Variants in MPDU1 observed in about 807,000 individuals in gnomAD.
MPDU1 encodes the protein mannose-P-dolichol utilization defect 1 protein.
MPDU1 carries 18 observed loss-of-function variants against 27.6 expected under a neutral mutation model. That is an observed-to-expected ratio of 0.65 (90% confidence interval 0.45 to 0.97). The LOEUF (loss-of-function observed/expected upper bound fraction) is 0.97. MPDU1 is among the 50% of genes least tolerant of loss of function. The pLI, the probability that MPDU1 is intolerant of heterozygous loss-of-function variation, is 0.00. For synonymous variants in MPDU1, 142 were observed against 131.1 expected (o/e 1.08, Z -0.57); for missense variants, 279 against 297.4 (o/e 0.94, Z 0.46).
upstream of MPDU1, chr17:7,583,698 T>C (rs2071530139): frequency 2.5e-6 from 2 of 812,444 alleles, no homozygotes; most frequent in East Asian, 4.8e-5. Context: ...GACTGAGACT[T>C]ATTTTACGCC....
Position 7,586,898 on chromosome 17 carries a change from G to C in MPDU1, c.389-1G>C. 1 of 1,613,982 alleles carries C rather than the reference G, an allele frequency of 6.2e-7. No homozygotes were observed. The highest frequency in any genetic ancestry group is 8.5e-7 in the Non-Finnish European group (1 of 1,179,980). On this transcript the variant is annotated splice_acceptor_variant, in intron 4 of 6. Coordinates refer to ENST00000250124, the MANE Select transcript of MPDU1 (RefSeq NM_004870.4). LOFTEE classifies it high-confidence loss of function. ...AAGGACTCCTGTCTCCCCACCCCTA[G>C]GTGTCGCTTTCCTCGCTTGCTACGG... is the stretch of plus-strand genomic sequence containing the variant.
In MPDU1 at chr17:7,587,994, G is replaced by C. The variant is rs750566373; in HGVS notation, c.*443G>C. On this transcript the variant is annotated 3_prime_UTR_variant, in exon 7 of 7. Transcript: ENST00000250124. ...GCTGCCTCCCTCCCTCAGCCCGGCTGGGACTGTCTCCCGGACCCCAGTGCT... is the reference window on the plus strand; with the variant it reads ...GCTGCCTCCCTCCCTCAGCCCGGCTCGGACTGTCTCCCGGACCCCAGTGCT... 8.3e-6 allele frequency: 4 copies of C among 482,608 alleles called. No individual in the cohort carries two copies. Among genetic ancestry groups the C allele is most frequent in the South Asian group, 6.2e-5 (4 of 64,710 alleles). 29.9% of individuals were successfully genotyped at this position (482,608 alleles called of 1,614,324 possible). A position where few individuals can be genotyped will look rare whatever the true frequency, so the allele number is the denominator to read the frequency against.
upstream of MPDU1, chr17:7,583,749 G>C (rs747749763): frequency 5.5e-6 from 6 of 1,088,276 alleles, no homozygotes; most frequent in African/African-American, 1.5e-5. Context: ...AGCGGGGCAC[G>C]GGGCGGGCCA....
In MPDU1 at chr17:7,587,210, C is replaced by T. The variant is rs745734883; in HGVS notation, c.557C>T (p.Ser186Leu). ...NYHNGHTGQL[S>L]AITVFLLFGG... ...CACAACGGGCACACAGGCCAGCTCT[C>T]AGCCATCACAGTCTTCCTGCTGTTT... is the stretch of plus-strand genomic sequence containing the variant. Residue 186 changes from serine (S) to leucine (L), a missense_variant, in exon 6 of 7, where the codon TCA (serine) becomes TTA (leucine). Coordinates refer to ENST00000250124, the MANE Select transcript of MPDU1 (RefSeq NM_004870.4). 1 of 1,614,122 alleles carries T rather than the reference C, an allele frequency of 6.2e-7. No homozygotes were observed. The highest frequency in any genetic ancestry group is 1.7e-5 in the Admixed American group (1 of 60,018).
rs775464922 is a variant in MPDU1 at position 7,586,069 on chromosome 17, T to A, written c.293T>A (p.Phe98Tyr). Residue 98 changes from phenylalanine (F) to tyrosine (Y), a missense_variant, in exon 3 of 7, where the codon TTC becomes TAC. Physicochemically the swap from Phe to Tyr is conservative, Grantham distance 22. Coordinates refer to ENST00000250124, the MANE Select transcript of MPDU1 (RefSeq NM_004870.4). The part of the protein sequence containing the change: ...GTMVYSITNN[F>Y]PFSSWGEALF... ...ATGGTCTACAGCATCACTAACAACT[T>A]CCCATTCAGGTGAGGGGCCCACCCT... The A allele has an allele frequency of 6.2e-7, 1 of 1,613,676 alleles. No individual in the cohort carries two copies. Among genetic ancestry groups the A allele is most frequent in the Non-Finnish European group, 8.5e-7 (1 of 1,179,992 alleles).
At chr17:7,586,362 C>T in intron 3 of MPDU1, 1 of 509,102 alleles carries the variant, frequency 2.0e-6, no homozygotes, top group Non-Finnish European at 3.6e-6. Flanking sequence ...TCACTTGAAC[C>T]TGGGAGGCAG....
rs1163264481 is a variant in MPDU1, at chr17:7,585,493, G to T, written c.104-239G>T. Among the ~76,000 whole-genome samples, 3 of 151,242 alleles carry T rather than the reference G, an allele frequency of 2.0e-5. No homozygotes were observed. The East Asian group carries it at 5.8e-4, about 29-fold the overall frequency. ...CAGAGGCTGCAGTGGGCTGAGATTGGGCCACTGCACTCCAGCCTGGGTGAC... is the reference window on the plus strand; with the variant it reads ...CAGAGGCTGCAGTGGGCTGAGATTGTGCCACTGCACTCCAGCCTGGGTGAC... On this transcript the variant is annotated intron_variant, in intron 1 of 6. Transcript: ENST00000250124.
At chr17:7,587,067 G>GGGGGGGGGCA in intron 5 of MPDU1, 50 bp downstream of exon 5, 1 of 1,041,362 alleles carries the variant, frequency 9.6e-7, no homozygotes, top group African/African-American at 1.9e-5. Flanking sequence ...GGGTGGGGGG[G>GGGGGGGGGCA]AAGAGTAGAA....
chr17:7,586,770 T>C lies in MPDU1; in HGVS notation c.381T>C (p.Thr127=). ...TGGTCATGCACTACAGAGGACAGACTGTGAAAGGTGCTGGGGACTTACCCA... is the reference window on the plus strand; with the variant it reads ...TGGTCATGCACTACAGAGGACAGACCGTGAAAGGTGCTGGGGACTTACCCA... ...CFLVMHYRGQ[T]VKGVAFLACY... The change falls in exon 4 of 7, where the codon ACT becomes ACC. Residue 127 remains threonine, a synonymous_variant. Transcript: ENST00000250124. 3 of 1,614,074 alleles carry C rather than the reference T, an allele frequency of 1.9e-6. No individual in the cohort carries two copies. The highest frequency in any genetic ancestry group is 2.5e-6 in the Non-Finnish European group (3 of 1,179,976).
In MPDU1 at chr17:7,583,982, A is replaced by C; in HGVS notation, c.103+17A>C. On this transcript the variant is annotated intron_variant, in intron 1 of 6. Transcript: ENST00000250124. ...TGCTTCACGGTGAGTTTTATTCAGC[A>C]TCCGATCCAAGTCCTACTCGAGTGA... is the stretch of plus-strand genomic sequence containing the variant. The C allele has an allele frequency of 3.7e-6, 6 of 1,611,204 alleles. No individual in the cohort carries two copies. The highest frequency in any genetic ancestry group is 5.1e-6 in the Non-Finnish European group (6 of 1,178,220).
intron 1 of MPDU1, 189 bp downstream of exon 1, chr17:7,584,154 A>T: frequency 1.5e-6 from 1 of 655,426 alleles, no homozygotes; most frequent in Non-Finnish European, 2.8e-6. Context: ...GCCAGTGGGG[A>T]AGTCACCGGG....
chr17:7,586,044 A>G lies in MPDU1; in HGVS notation c.268A>G (p.Met90Val), dbSNP rs1190805840. 3.1e-6 allele frequency: 5 copies of G among 1,613,876 alleles called. No homozygotes were observed. Among genetic ancestry groups the G allele is most frequent in the East Asian group, 2.2e-5 (1 of 44,888 alleles). ...MLELVALTGTMVYSITNNFPF... is the reference protein window; with the variant it reads ...MLELVALTGTVVYSITNNFPF... ...GGAGCTAGTGGCATTGACTGGGACC[A>G]TGGTCTACAGCATCACTAACAACTT... The change falls in exon 3 of 7, where the codon ATG becomes GTG. Residue 90 changes from methionine (M) to valine (V), a missense_variant. By Grantham distance (21) the Met-to-Val change is conservative (BLOSUM62 1). Coordinates refer to ENST00000250124, the MANE Select transcript of MPDU1 (RefSeq NM_004870.4).
At chr17:7,583,758 C>A (rs764093831), upstream of MPDU1, 3 of 1,210,646 alleles carry the variant, frequency 2.5e-6, no homozygotes, top group Admixed American at 1.7e-5. Context: ...CGGGGCGGGC[C>A]AGCTTCGCCG....
Position 7,583,945 on chromosome 17 carries a change from T to C in MPDU1, c.83T>C (p.Val28Ala). ...GAGAAATGCTACGACCAACTTTTCG[T>C]TCAGTGGGACTTGCTTCACGGTGAG... ...LPEKCYDQLF[V>A]QWDLLHVPCL... Residue 28 changes from valine to alanine, a missense_variant, in exon 1 of 7, where the codon GTT (valine) becomes GCT (alanine). Physicochemically the swap from Val to Ala is moderately conservative, Grantham distance 64 (BLOSUM62 0). Transcript: ENST00000250124. The C allele has an allele frequency of 1.2e-6, 2 of 1,614,146 alleles. No homozygotes were observed. Among genetic ancestry groups the C allele is most frequent in the Non-Finnish European group, 1.7e-6 (2 of 1,180,036 alleles).
intron 6 of MPDU1, 40 bp downstream of exon 6, chr17:7,587,311 C>A: frequency 6.2e-7 from 1 of 1,612,604 alleles, no homozygotes; most frequent in African/African-American, 1.3e-5. Context: ...ACTAAAACCT[C>A]GTCTTACTTC....
chr17:7,584,866 G>A lies in MPDU1; in HGVS notation c.104-866G>A, dbSNP rs543229719. Among the ~76,000 whole-genome samples, 17 of 152,262 alleles carry A rather than the reference G, an allele frequency of 1.1e-4. No homozygotes were observed. In the East Asian group the frequency reaches 2.9e-3, roughly 26 times the overall value. ...AAATTAGCCGGGCGTTGTGGCAGGC[G>A]CCTGTAATCCCAGCTACTCGGGAGG... On this transcript the variant is annotated intron_variant, in intron 1 of 6. Transcript: ENST00000250124.
rs763146885 is a variant in MPDU1 at position 7,583,886 on chromosome 17, G to C, written c.24G>C (p.Pro8=). 1.9e-5 allele frequency: 31 copies of C among 1,613,990 alleles called. No individual in the cohort carries two copies. Among genetic ancestry groups the C allele is most frequent in the Admixed American group, 1.7e-5 (1 of 60,014 alleles). MAAEADG[P]LKRLLVPILL... is the part of the protein sequence containing the mutation. ...ATATGGCGGCCGAGGCGGACGGACC[G>C]CTTAAACGGCTGCTCGTGCCGATTC... Residue 8 remains proline, a synonymous_variant, in exon 1 of 7, where the codon CCG becomes CCC. Transcript: ENST00000250124.
intron 1 of MPDU1, 109 bp downstream of exon 1, chr17:7,584,074 C>A: frequency 1.8e-6 from 2 of 1,134,018 alleles, no homozygotes; most frequent in Non-Finnish European, 2.7e-6. Flanking sequence ...CCATGCCGAG[C>A]TGGACGGAAG....
chr17:7,583,754 G>T (rs762622326), upstream of MPDU1: 4 of 1,139,544 alleles, frequency 3.5e-6, no homozygotes, highest in Admixed American at 1.7e-5. Flanking sequence ...GGCACGGGGC[G>T]GGCCAGCTTC....
Sources: allele counts gnomAD v4.1 joint callset (sites outside exome capture counted in the v4.1 genomes callset), GRCh38; gene constraint gnomAD v4.1.1; transcripts MANE v1.5; gene names NCBI Gene and HGNC (gene_info 2026-07-23, HGNC 2026-07-21).